The following ACER2 variants were observed in gnomAD, a reference collection of about 807,000 sequenced individuals.
ACER2 encodes alkaline ceramidase 2, also known as alkCDase 2.
A neutral mutation model predicts 34.7 loss-of-function variants in ACER2; 26 were observed. The observed-to-expected ratio is 0.75, with a 90% CI of 0.55 to 1.04. ACER2 has a LOEUF of 1.04. Among genes scored for constraint, ACER2 ranks in the 50% least tolerant of loss-of-function variants. The pLI, the probability that ACER2 is intolerant of heterozygous loss-of-function variation, is 0.00. For synonymous variants in ACER2, 138 were observed against 132.1 expected (o/e 1.04, Z -0.31); for missense variants, 352 against 340.8 (o/e 1.03, Z -0.26).
At chr9:19,433,545 T>C (rs1052238669) in intron 3 of ACER2, among the ~76,000 whole-genome samples, 8 of 152,190 alleles carry the variant, frequency 5.3e-5, no homozygotes, top group African/African-American at 1.9e-4. Flanking sequence ...AAGTCTCCCA[T>C]GTCTACCTCT....
At chr9:19,433,149 CTTTT>C (rs57915019) in intron 3 of ACER2, among the ~76,000 whole-genome samples, 2 of 61,304 alleles carry the variant, frequency 3.3e-5, no homozygotes, top group Admixed American at 2.1e-4. Context: ...GTGTGAGTGG[CTTTT>C]TTTTTTTTTT....
intron 3 of ACER2, among the ~76,000 whole-genome samples, chr9:19,428,083 C>CCT: frequency 1.5e-5 from 2 of 129,720 alleles, no homozygotes; most frequent in Non-Finnish European, 1.6e-5. Context: ...CTTTCCTTCT[C>CCT]TCTCTCTCTC....
chr9:19,427,014 T>C (rs1465163510), intron 3 of ACER2, among the ~76,000 whole-genome samples: 1 of 152,256 alleles, frequency 6.6e-6, no homozygotes, highest in Non-Finnish European at 1.5e-5. Flanking sequence ...TGTCCTCCTT[T>C]GGAGGCACTG....
At chr9:19,428,719 CAG>C (rs1434184647) in intron 3 of ACER2, among the ~76,000 whole-genome samples, 8 of 144,954 alleles carry the variant, frequency 5.5e-5, no homozygotes, top group Admixed American at 2.2e-4. Flanking sequence ...ATGGCTCACA[CAG>C]AGTAAAGACT....
intron 4 of ACER2, among the ~76,000 whole-genome samples, chr9:19,441,013 A>G (rs1470309847): frequency 6.6e-6 from 1 of 150,800 alleles, no homozygotes. Context: ...CCTTCCCCAA[A>G]CATGCCATTT....
At chr9:19,450,260 C>G (rs1831518190) in intron 5 of ACER2, 190 bp from the exon 6 acceptor site, 1 of 985,412 alleles carries the variant, frequency 1.0e-6, no homozygotes, top group Non-Finnish European at 1.2e-6. Context: ...TCCCAAATTG[C>G]TGAAGATTTA....
At chr9:19,437,233 A>T (rs1406564324) in intron 4 of ACER2, among the ~76,000 whole-genome samples, 1 of 152,190 alleles carries the variant, frequency 6.6e-6, no homozygotes, top group African/African-American at 2.4e-5. Context: ...AGGCAAGATT[A>T]CTGTCTTGGC....
At chr9:19,442,590 C>T (rs745558439) in intron 4 of ACER2, among the ~76,000 whole-genome samples, 4 of 152,236 alleles carry the variant, frequency 2.6e-5, no homozygotes, top group East Asian at 3.8e-4. Flanking sequence ...ACCTCCCTCT[C>T]GGTTGATGCC....
At chr9:19,417,879 G>C (rs1372680192) in intron 1 of ACER2, among the ~76,000 whole-genome samples, 1 of 152,146 alleles carries the variant, frequency 6.6e-6, no homozygotes, top group Non-Finnish European at 1.5e-5. Flanking sequence ...AAACTAAAGA[G>C]CTTCTGCACA....
intron 5 of ACER2, among the ~76,000 whole-genome samples, chr9:19,448,818 G>A (rs1831464519): frequency 6.6e-6 from 1 of 152,026 alleles, no homozygotes; most frequent in Admixed American, 6.6e-5. Context: ...AATTTTCTTT[G>A]TCTGGTCTAT....
At chr9:19,426,835 G>A (rs1830585425) in intron 3 of ACER2, among the ~76,000 whole-genome samples, 1 of 151,964 alleles carries the variant, frequency 6.6e-6, no homozygotes, top group African/African-American at 2.4e-5. Context: ...GCTGAGGCAG[G>A]AAGATCTCTT....
chr9:19,440,725 C>G (rs915698605), intron 4 of ACER2, among the ~76,000 whole-genome samples: 7 of 151,950 alleles, frequency 4.6e-5, no homozygotes, highest in African/African-American at 1.2e-4. Flanking sequence ...CCTGAAAGAT[C>G]TCCTCTACTT....
At chr9:19,409,513 G>A (rs1008959411) in intron 1 of ACER2, among the ~76,000 whole-genome samples, 1 of 152,044 alleles carries the variant, frequency 6.6e-6, no homozygotes, top group Admixed American at 6.5e-5. Flanking sequence ...TGGGTCAGCT[G>A]GGGGCGGTGA....
At chr9:19,448,131 T>A (rs926616267) in intron 5 of ACER2, among the ~76,000 whole-genome samples, 1 of 149,092 alleles carries the variant, frequency 6.7e-6, no homozygotes, top group African/African-American at 2.5e-5. Flanking sequence ...CCTCACCCCC[T>A]GCAGGGAGCT....
intron 3 of ACER2, among the ~76,000 whole-genome samples, chr9:19,433,149 CTTTTTTTTTTTT>C (rs57915019): frequency 2.8e-4 from 17 of 61,362 alleles, no homozygotes; most frequent in Admixed American, 1.3e-3. Context: ...GTGTGAGTGG[CTTTTTTTTTTTT>C]TTTTTTTTTT....
At chr9:19,418,973 G>A (rs926685378) in intron 1 of ACER2, among the ~76,000 whole-genome samples, 1 of 152,134 alleles carries the variant, frequency 6.6e-6, no homozygotes, top group Non-Finnish European at 1.5e-5. Context: ...GATCACCTGA[G>A]GTCAGCAGTT....
intron 4 of ACER2, among the ~76,000 whole-genome samples, chr9:19,442,118 T>C (rs1028910188): frequency 2.0e-5 from 3 of 152,250 alleles, no homozygotes; most frequent in African/African-American, 7.2e-5. Flanking sequence ...TTTTGGGTCA[T>C]GACCTGACAC....
At chr9:19,444,672 T>C (rs1831291895) in intron 4 of ACER2, among the ~76,000 whole-genome samples, 1 of 152,196 alleles carries the variant, frequency 6.6e-6, no homozygotes, top group African/African-American at 2.4e-5. Flanking sequence ...GCCTGGAGAC[T>C]GAGCCCTGGA....
chr9:19,433,732 C>T (rs558747950), intron 3 of ACER2, among the ~76,000 whole-genome samples: 13 of 150,536 alleles, frequency 8.6e-5, no homozygotes, highest in Non-Finnish European at 1.9e-4. Flanking sequence ...TAGGGGCGGC[C>T]GGGCAGAGGC....
Sources: allele counts gnomAD v4.1 joint callset (sites outside exome capture counted in the v4.1 genomes callset), GRCh38; gene constraint gnomAD v4.1.1; transcripts MANE v1.5; gene names NCBI Gene and HGNC (gene_info 2026-07-23, HGNC 2026-07-21).